ARNT2: variants seen among roughly 807,000 people sequenced by gnomAD.
ARNT2 encodes aryl hydrocarbon receptor nuclear translocator 2, also known as ARNT protein 2.
In ARNT2, 36 loss-of-function variants were observed where a neutral mutation model predicts 91.7. That is an observed-to-expected ratio of 0.39 (90% CI 0.30 to 0.52). The LOEUF is 0.52. Ranked by LOEUF, ARNT2 falls within the 20% of genes least tolerant of loss-of-function variation. ARNT2 has a pLI of 0.72. For synonymous variants in ARNT2, 365 were observed against 347.1 expected (o/e 1.05, Z -0.57); for missense variants, 775 against 939.3 (o/e 0.83, Z 2.29).
At chr15:80,577,474 GC>G (rs762613630) in intron 15 of ARNT2, among the ~76,000 whole-genome samples, 1 of 152,248 alleles carries the variant, frequency 6.6e-6, no homozygotes, top group Non-Finnish European at 1.5e-5. Flanking sequence ...CACTGAGGAA[GC>G]CCTGACATCA....
At chr15:80,425,188 C>A (rs537000735) in intron 1 of ARNT2, among the ~76,000 whole-genome samples, 1 of 152,278 alleles carries the variant, frequency 6.6e-6, no homozygotes, top group Non-Finnish European at 1.5e-5. Context: ...AAACATATCT[C>A]CGAGTAGCTC....
intron 4 of ARNT2, among the ~76,000 whole-genome samples, chr15:80,474,756 A>G (rs2141397634): frequency 6.6e-6 from 1 of 152,292 alleles, no homozygotes; most frequent in African/African-American, 2.4e-5. Context: ...CCTAGGCTGG[A>G]AATTTTCTCT....
At chr15:80,520,514 A>G (rs552344385) in intron 8 of ARNT2, among the ~76,000 whole-genome samples, 2 of 152,224 alleles carry the variant, frequency 1.3e-5, no homozygotes, top group East Asian at 3.9e-4. Flanking sequence ...AATACTGTGC[A>G]CCTAGACATT....
chr15:80,435,194 C>T (rs775520033), intron 1 of ARNT2, among the ~76,000 whole-genome samples: 1 of 152,196 alleles, frequency 6.6e-6, no homozygotes, highest in Non-Finnish European at 1.5e-5. Context: ...TGCCTGCCCT[C>T]GTCCTTTTCT....
chr15:80,500,456 T>G (rs1897175831), intron 5 of ARNT2, among the ~76,000 whole-genome samples: 1 of 152,250 alleles, frequency 6.6e-6, no homozygotes, highest in African/African-American at 2.4e-5. Flanking sequence ...TTCTTAAGGA[T>G]TCTTTTGATG....
intron 6 of ARNT2, among the ~76,000 whole-genome samples, chr15:80,509,656 T>C (rs1897316312): frequency 6.6e-6 from 1 of 151,968 alleles, no homozygotes; most frequent in South Asian, 2.1e-4. Flanking sequence ...CCATGTTATA[T>C]AGGGTGGGAG....
At chr15:80,549,682 C>CACAA (rs1261245033) in intron 8 of ARNT2, among the ~76,000 whole-genome samples, 1 of 152,284 alleles carries the variant, frequency 6.6e-6, no homozygotes, top group East Asian at 1.9e-4. Context: ...GACTGACAAA[C>CACAA]ATTAAATAAT....
chr15:80,545,447 C>T (rs1410781510), intron 8 of ARNT2, among the ~76,000 whole-genome samples: 1 of 152,190 alleles, frequency 6.6e-6, no homozygotes, highest in African/African-American at 2.4e-5. Flanking sequence ...GCCATGTGTG[C>T]TGGAATGAAG....
chr15:80,580,465 G>C lies in ARNT2; in HGVS notation c.1668G>C (p.Thr556=), dbSNP rs200435715. ...ATGATATTCAGTCCTCTTCTTCCAC[G>C]GGCCAGAACATGTCCCAAATCTCCC... ...GVNDIQSSSS[T]GQNMSQISRQ... The change falls in exon 16 of 19, where the codon ACG becomes ACC. Residue 556 remains threonine (T), a synonymous_variant. Transcript: ENST00000303329. 6.2e-7 allele frequency: 1 copy of C among 1,614,062 alleles called. No homozygotes were observed.
chr15:80,439,803 T>C (rs1265678339), intron 1 of ARNT2, among the ~76,000 whole-genome samples: 1 of 152,196 alleles, frequency 6.6e-6, no homozygotes, highest in Non-Finnish European at 1.5e-5. Context: ...GGAAGGTCCC[T>C]CAGGTATCTG....
At chr15:80,458,020 C>T in intron 3 of ARNT2, 44 bp downstream of exon 3, 1 of 1,566,656 alleles carries the variant, frequency 6.4e-7, no homozygotes, top group East Asian at 2.2e-5. Context: ...AGGCAATAGC[C>T]AGCATTCACC....
chr15:80,405,632 A>G (rs375190873), intron 1 of ARNT2, among the ~76,000 whole-genome samples: 7 of 152,140 alleles, frequency 4.6e-5, no homozygotes, highest in Non-Finnish European at 1.0e-4. Context: ...GAAAACGGGA[A>G]TGTTTGAATA....
At chr15:80,473,957 G>A (rs1896766717) in intron 4 of ARNT2, among the ~76,000 whole-genome samples, 1 of 152,206 alleles carries the variant, frequency 6.6e-6, no homozygotes, top group African/African-American at 2.4e-5. Context: ...GACCTAGAAG[G>A]ATACCTTTGT....
chr15:80,446,922 C>G (rs1660955848), intron 1 of ARNT2, among the ~76,000 whole-genome samples: 1 of 152,150 alleles, frequency 6.6e-6, no homozygotes, highest in Non-Finnish European at 1.5e-5. Flanking sequence ...CCTGTGTCTT[C>G]CACATGAAAC....
At chr15:80,484,565 C>A (rs1053153111) in intron 5 of ARNT2, among the ~76,000 whole-genome samples, 2 of 152,250 alleles carry the variant, frequency 1.3e-5, no homozygotes, top group African/African-American at 4.8e-5. Flanking sequence ...TGCTTCGCTA[C>A]ATGCATAGCA....
At chr15:80,407,225 C>T (rs762440662) in intron 1 of ARNT2, among the ~76,000 whole-genome samples, 4 of 152,224 alleles carry the variant, frequency 2.6e-5, no homozygotes, top group African/African-American at 4.8e-5. Flanking sequence ...CACCTCCCCA[C>T]GCCCCCACTT....
At chr15:80,531,379 A>G (rs905969602) in intron 8 of ARNT2, among the ~76,000 whole-genome samples, 22 of 152,256 alleles carry the variant, frequency 1.4e-4, no homozygotes, top group African/African-American at 4.6e-4. Flanking sequence ...ACCTGGTATG[A>G]GGGAAGAGTA....
chr15:80,408,490 G>A (rs1035262206), intron 1 of ARNT2, among the ~76,000 whole-genome samples: 1 of 152,144 alleles, frequency 6.6e-6, no homozygotes, highest in African/African-American at 2.4e-5. Context: ...CTGATGGCTG[G>A]CGTGTGAGGC....
rs1255018176 is a variant in ARNT2, at chr15:80,596,500, C to G, written c.*2802C>G. 1 of 152,092 alleles carries G rather than the reference C, an allele frequency of 6.6e-6. No individual in the cohort carries two copies. Among genetic ancestry groups the G allele is most frequent in the African/African-American group, 2.4e-5 (1 of 41,390 alleles). The allele number at this position is 152,092 out of a possible 1,614,324, so 9.4% of individuals were successfully genotyped here. ...ACAAACTGGAGTAAGAATTAAAGCC[C>G]CAGAGGATTTAATTATCCTGGTTTG... is the stretch of plus-strand genomic sequence containing the variant. On this transcript the variant is annotated 3_prime_UTR_variant, in exon 19 of 19. Coordinates refer to ENST00000303329, the MANE Select transcript of ARNT2 (RefSeq NM_014862.4).
Sources: allele counts gnomAD v4.1 joint callset (sites outside exome capture counted in the v4.1 genomes callset), GRCh38; gene constraint gnomAD v4.1.1; transcripts MANE v1.5; gene names NCBI Gene and HGNC (gene_info 2026-07-23, HGNC 2026-07-21).